Variants in ZNF589 observed in about 807,000 individuals in gnomAD.
ZNF589 encodes the protein KRAB-zinc finger protein SZF1-1.
A neutral mutation model predicts 13.6 loss-of-function variants in ZNF589; 17 were observed. The observed-to-expected ratio is 1.25, with a 90% CI of 0.86 to 1.88. ZNF589 has a LOEUF of 1.88. Ranked by LOEUF, ZNF589 falls within the 40% of genes most tolerant of loss-of-function variation. The probability of loss-of-function intolerance (pLI) is 0.00; values close to 1 mark genes in which losing one functional copy is unlikely to be tolerated. For missense variants in ZNF589, 407 were observed against 434.0 expected (o/e 0.94, Z 0.55); for synonymous variants, 148 against 161.6 (o/e 0.92, Z 0.64).
rs769042854 is a variant in ZNF589 at position 48,268,841 on chromosome 3, G to C, written c.*55G>C. 1.9e-6 allele frequency: 3 copies of C among 1,542,588 alleles called. No homozygotes were observed. Among genetic ancestry groups the C allele is most frequent in the Non-Finnish European group, 2.6e-6 (3 of 1,146,400 alleles). ...CAACACACACCAGAGGATACATTCA[G>C]ATGAGAAGCCTTTTGTTTGCAGAGA... On this transcript the variant is annotated 3_prime_UTR_variant, in exon 4 of 4. Coordinates refer to ENST00000354698, the MANE Select transcript of ZNF589 (RefSeq NM_016089.3).
intron 2 of ZNF589, among the ~76,000 whole-genome samples, 159 bp downstream of exon 2, chr3:48,247,836 T>C (rs543958805): frequency 1.3e-5 from 2 of 152,250 alleles, no homozygotes; most frequent in Non-Finnish European, 2.9e-5. Flanking sequence ...GTTTTTGCAC[T>C]TAGTCTTTCT....
rs2034064098 is a variant in ZNF589, at chr3:48,269,391, A to G, written c.*605A>G. The G allele has an allele frequency of 3.0e-5, 18 of 606,068 alleles. No homozygotes were observed. The South Asian group carries it at 3.1e-4, about 11-fold the overall frequency. 37.5% of individuals were successfully genotyped at this position (606,068 alleles called of 1,614,324 possible). On this transcript the variant is annotated 3_prime_UTR_variant, in exon 4 of 4. Coordinates refer to ENST00000354698, the MANE Select transcript of ZNF589 (RefSeq NM_016089.3). ...AGCCAGTGTGGGCGAGGCTTTTGTG[A>G]TAAATCAACTCTCCTCGCACACGAG...
In ZNF589 at chr3:48,270,825, C is replaced by T. The variant is rs953283728; in HGVS notation, c.*2039C>T. On this transcript the variant is annotated 3_prime_UTR_variant, in exon 4 of 4. Transcript: ENST00000354698. ...TGGAAGTGGTTGATCTCCAGGGAAT[C>T]CCCAAGGTTAGCCTGCTTAGGGGAA... The T allele has an allele frequency of 6.2e-6, 1 of 161,136 alleles. No homozygotes were observed. The highest frequency in any genetic ancestry group is 2.4e-5 in the African/African-American group (1 of 41,554). The allele number at this position is 161,136 out of a possible 1,614,324, so 10.0% of individuals were successfully genotyped here.
chr3:48,262,836 C>G (rs1429829971), intron 3 of ZNF589, among the ~76,000 whole-genome samples: 3 of 151,966 alleles, frequency 2.0e-5, no homozygotes, highest in African/African-American at 7.3e-5. Flanking sequence ...TGAGCTTTAC[C>G]AAGAGGTGTT....
Position 48,269,557 on chromosome 3 carries a change from C to T in ZNF589, c.*771C>T. On this transcript the variant is annotated 3_prime_UTR_variant, in exon 4 of 4. Coordinates refer to ENST00000354698, the MANE Select transcript of ZNF589 (RefSeq NM_016089.3). ...GCATCGAGTGTGGGCGAAACTTTAG[C>T]CACAAGTCCACTCTCAGCTTACATC... The T allele has an allele frequency of 2.9e-6, 1 of 339,738 alleles. No individual in the cohort carries two copies. The highest frequency in any genetic ancestry group is 5.8e-6 in the Non-Finnish European group (1 of 173,406). 21.0% of individuals were successfully genotyped at this position (339,738 alleles called of 1,614,324 possible). A position where few individuals can be genotyped will look rare whatever the true frequency, so the allele number is the denominator to read the frequency against.
chr3:48,247,793 T>G, intron 2 of ZNF589, 116 bp downstream of exon 2: 1 of 1,094,448 alleles, frequency 9.1e-7, no homozygotes, highest in Non-Finnish European at 1.3e-6. Context: ...GTTTATGCCT[T>G]GTGTTAGCCA....
In ZNF589 at chr3:48,268,992, A is replaced by G; in HGVS notation, c.*206A>G. On this transcript the variant is annotated 3_prime_UTR_variant, in exon 4 of 4. Transcript: ENST00000354698. ...AGCCAGAAGTCGTCGCTCAAATCAC[A>G]TCGGAGAACACACTCAGGGGAGAAG... The G allele has an allele frequency of 1.3e-6, 1 of 774,692 alleles. No individual in the cohort carries two copies. Among genetic ancestry groups the G allele is most frequent in the Non-Finnish European group, 2.1e-6 (1 of 476,086 alleles). The allele number at this position is 774,692 out of a possible 1,614,324, so 48.0% of individuals were successfully genotyped here.
chr3:48,252,690 C>T (rs1388075716), intron 2 of ZNF589, among the ~76,000 whole-genome samples: 7 of 137,930 alleles, frequency 5.1e-5, no homozygotes, highest in Non-Finnish European at 1.1e-4. Context: ...GGCAGGATCT[C>T]GGCTCACTGC....
intron 3 of ZNF589, among the ~76,000 whole-genome samples, chr3:48,263,822 C>G (rs911636442): frequency 6.6e-6 from 1 of 152,150 alleles, no homozygotes; most frequent in African/African-American, 2.4e-5. Context: ...TGTTTCAGGA[C>G]AGTAAGTGAG....
chr3:48,250,696 T>G (rs907186956), intron 2 of ZNF589, among the ~76,000 whole-genome samples: 2 of 152,190 alleles, frequency 1.3e-5, no homozygotes, highest in African/African-American at 4.8e-5. Flanking sequence ...GGTCTCGAAC[T>G]CCTGACCTCA....
chr3:48,269,170 A>G lies in ZNF589; in HGVS notation c.*384A>G. The G allele has an allele frequency of 1.0e-6, 1 of 986,208 alleles. No individual in the cohort carries two copies. The highest frequency in any genetic ancestry group is 2.2e-5 in the Admixed American group (1 of 45,556). The allele number at this position is 986,208 out of a possible 1,614,324, so 61.1% of individuals were successfully genotyped here. On this transcript the variant is annotated 3_prime_UTR_variant, in exon 4 of 4. Coordinates refer to ENST00000354698, the MANE Select transcript of ZNF589 (RefSeq NM_016089.3). ...CCGCTCTTAGTGTACATCAGAGGATACACTCTGGGGAGAAGCCTTATGCAT... is the reference window on the plus strand; with the variant it reads ...CCGCTCTTAGTGTACATCAGAGGATGCACTCTGGGGAGAAGCCTTATGCAT...
chr3:48,265,576 CTG>C (rs1413921033), intron 3 of ZNF589, among the ~76,000 whole-genome samples: 3 of 152,104 alleles, frequency 2.0e-5, no homozygotes, highest in African/African-American at 2.4e-5. Context: ...GTGTGAGTCA[CTG>C]TGCTGGCCAG....
intron 3 of ZNF589, among the ~76,000 whole-genome samples, chr3:48,262,748 T>A (rs953989196): frequency 1.3e-5 from 2 of 152,224 alleles, no homozygotes; most frequent in African/African-American, 4.8e-5. Flanking sequence ...TGTAATGTTC[T>A]GACTCTAGAA....
At chr3:48,266,554 C>T (rs373842266) in intron 3 of ZNF589, among the ~76,000 whole-genome samples, 3 of 152,138 alleles carry the variant, frequency 2.0e-5, no homozygotes, top group Admixed American at 1.3e-4. Flanking sequence ...GGCCGGGCGC[C>T]GTGGCTCACG....
At chr3:48,252,038 C>CAA (rs768367907) in intron 2 of ZNF589, among the ~76,000 whole-genome samples, 1 of 147,740 alleles carries the variant, frequency 6.8e-6, no homozygotes, top group Non-Finnish European at 1.5e-5. Flanking sequence ...GACCCTGTCT[C>CAA]AAAAAAAAAG....
intron 2 of ZNF589, among the ~76,000 whole-genome samples, chr3:48,257,243 T>C (rs1386526042): frequency 6.7e-6 from 1 of 150,316 alleles, no homozygotes; most frequent in Admixed American, 6.6e-5. Context: ...AAAGTTTTTG[T>C]TTTTGTTTTT....
rs1272894398 is a variant in ZNF589 at position 48,270,032 on chromosome 3, T to G, written c.*1246T>G. ...GAGATCTAACTTCTGAGAGCAGAGG[T>G]GTCAAGTGACGGTCCCCTTGGAGGA... is the stretch of plus-strand genomic sequence containing the variant. On this transcript the variant is annotated 3_prime_UTR_variant, in exon 4 of 4. Transcript: ENST00000354698. 4.4e-6 allele frequency: 2 copies of G among 457,200 alleles called. No homozygotes were observed. Among genetic ancestry groups the G allele is most frequent in the Middle Eastern group, 3.2e-4 (1 of 3,102 alleles). The allele number at this position is 457,200 out of a possible 1,614,324, so 28.3% of individuals were successfully genotyped here.
At chr3:48,257,219 G>A (rs1321180120) in intron 2 of ZNF589, among the ~76,000 whole-genome samples, 1 of 152,050 alleles carries the variant, frequency 6.6e-6, no homozygotes, top group Non-Finnish European at 1.5e-5. Flanking sequence ...AGAGATGGGG[G>A]TCTTCTATAG....
chr3:48,250,992 C>A (rs1179148078), intron 2 of ZNF589, among the ~76,000 whole-genome samples: 2 of 152,116 alleles, frequency 1.3e-5, no homozygotes, highest in African/African-American at 4.8e-5. Flanking sequence ...CTCAAGGTAA[C>A]CTCCCACCTC....
Sources: gnomAD v4.1 joint callset for allele counts (sites outside exome capture counted in the v4.1 genomes callset) on GRCh38, gnomAD v4.1.1 for gene constraint, MANE v1.5 for transcripts, NCBI Gene and HGNC (gene_info 2026-07-23, HGNC 2026-07-21) for gene names.